The following IRAG2 variants were observed in gnomAD, a reference collection of about 807,000 sequenced individuals.
IRAG2 encodes the protein inositol 1,4,5-triphosphate receptor associated 2, also known as lymphoid restricted membrane protein.
In IRAG2, 45 loss-of-function variants were observed where a neutral mutation model predicts 69.9. The ratio of observed to expected loss-of-function variants is 0.64; its 90% confidence interval spans 0.51 to 0.83. The LOEUF (loss-of-function observed/expected upper bound fraction) is 0.83, where lower values mean the gene tolerates loss of function less well. IRAG2 is among the 40% of genes least tolerant of loss of function. The probability of loss-of-function intolerance (pLI) is 0.00; values close to 1 mark genes in which losing one functional copy is unlikely to be tolerated. For missense variants in IRAG2, 520 were observed against 587.0 expected, an observed-to-expected ratio of 0.89 and a Z score of 1.18; for synonymous variants, 193 against 202.4, an observed-to-expected ratio of 0.95 and a Z score of 0.40.
chr12:25,076,031 T>G (rs1157473349), intron 6 of IRAG2, among the ~76,000 whole-genome samples: 4 of 152,126 alleles, frequency 2.6e-5, no homozygotes, highest in Non-Finnish European at 5.9e-5. Flanking sequence ...CCTTGAGGGT[T>G]TCATCTCCAG....
chr12:24,999,923 T>C (rs901219285), upstream of IRAG2, among the ~76,000 whole-genome samples: 1 of 152,214 alleles, frequency 6.6e-6, no homozygotes, highest in African/African-American at 2.4e-5. Flanking sequence ...GGGGCATACT[T>C]ACACTAAAAA....
At chr12:25,021,452 T>A (rs553162125) in intron 7 of IRAG2, among the ~76,000 whole-genome samples, 4 of 151,226 alleles carry the variant, frequency 2.6e-5, no homozygotes, top group African/African-American at 4.9e-5. Flanking sequence ...TTCTCAGATT[T>A]AAAAAAAAAC....
At chr12:25,025,190 A>G (rs1944611408) in intron 8 of IRAG2, among the ~76,000 whole-genome samples, 1 of 152,248 alleles carries the variant, frequency 6.6e-6, no homozygotes, top group African/African-American at 2.4e-5. Context: ...AAAGAGCTAT[A>G]GAGAAAAGAA....
At chr12:25,040,200 G>A (rs1944736496) in intron 16 of IRAG2, among the ~76,000 whole-genome samples, 1 of 152,232 alleles carries the variant, frequency 6.6e-6, no homozygotes, top group African/African-American at 2.4e-5. Flanking sequence ...TAATTTGACT[G>A]TGGATTTTAG....
chr12:25,104,595 A>G, intron 20 of IRAG2, 133 bp downstream of exon 20: 1 of 632,088 alleles, frequency 1.6e-6, no homozygotes, highest in South Asian at 1.9e-5. Context: ...ACTTTTATAA[A>G]CTGTAAAGCA....
chr12:25,077,187 T>TATATATATGAAATATATATATC (rs1946748378), intron 6 of IRAG2, among the ~76,000 whole-genome samples: 1 of 63,216 alleles, frequency 1.6e-5, no homozygotes, highest in East Asian at 4.7e-4. Context: ...ATATATATGA[T>TATATATATGAAATATATATATC]ATATATATGA....
intron 16 of IRAG2, among the ~76,000 whole-genome samples, chr12:25,046,133 T>C (rs1944791273): frequency 6.6e-6 from 1 of 152,090 alleles, no homozygotes; most frequent in Non-Finnish European, 1.5e-5. Context: ...ATCATCTCTA[T>C]AGGTGCAGAA....
Position 25,108,220 on chromosome 12 carries a change from A to G in IRAG2, c.*160A>G. 1.4e-6 allele frequency: 1 copy of G among 732,072 alleles called. No individual in the cohort carries two copies. The highest frequency in any genetic ancestry group is 2.2e-6 in the Non-Finnish European group (1 of 463,438). The allele number at this position is 732,072 out of a possible 1,614,324, so 45.3% of individuals were successfully genotyped here. On this transcript the variant is annotated 3_prime_UTR_variant, in exon 22 of 22. Transcript: ENST00000556887. ...TCCTCTTTTTGCCTTTATCTCCCCA[A>G]CTAAAATACAATGGGGAAGAAGTCT... is the stretch of plus-strand genomic sequence containing the variant.
chr12:25,082,582 A>G (rs1452622513), intron 9 of IRAG2, among the ~76,000 whole-genome samples: 2 of 149,436 alleles, frequency 1.3e-5, no homozygotes, highest in Non-Finnish European at 3.0e-5. Context: ...CCTGGGTGGC[A>G]GAGTGAGACC....
intron 15 of IRAG2, among the ~76,000 whole-genome samples, chr12:25,037,660 C>T (rs1440625357): frequency 6.6e-6 from 1 of 152,136 alleles, no homozygotes; most frequent in African/African-American, 2.4e-5. Context: ...CCATCCTGTT[C>T]TAAAGCAATT....
chr12:25,088,248 T>C, intron 11 of IRAG2, 91 bp downstream of exon 11: 1 of 1,006,766 alleles, frequency 9.9e-7, no homozygotes. Context: ...GCTATGTCAC[T>C]TACAAATTCT....
intron 3 of IRAG2, among the ~76,000 whole-genome samples, chr12:25,012,143 C>CTTTTT (rs1944480147): frequency 1.2e-4 from 3 of 24,096 alleles, no homozygotes; most frequent in Non-Finnish European, 2.7e-4. Flanking sequence ...AAGCGAATTC[C>CTTTTT]CTTTTTTTTT....
intron 16 of IRAG2, among the ~76,000 whole-genome samples, chr12:25,043,234 G>A (rs1046069184): frequency 2.0e-5 from 3 of 152,134 alleles, no homozygotes; most frequent in African/African-American, 7.2e-5. Context: ...CTTATCCCTA[G>A]CTTAGCGCCA....
chr12:25,050,543 ACAAACAAAC>A (rs1388091128), upstream of IRAG2, among the ~76,000 whole-genome samples: 33 of 54,696 alleles, frequency 6.0e-4, 5 homozygotes, highest in South Asian at 1.4e-3. Context: ...AAACAAACAA[ACAAACAAAC>A]AAAAAAAAAC....
upstream of IRAG2, among the ~76,000 whole-genome samples, chr12:25,002,648 TC>T (rs66517580): frequency 1.2e-3 from 180 of 144,462 alleles, 6 homozygotes; most frequent in African/African-American, 3.1e-3. Flanking sequence ...CTTCTTCTTT[TC>T]TTTTTTTTTT....
chr12:25,018,368 G>A (rs1944549873), intron 6 of IRAG2, among the ~76,000 whole-genome samples: 1 of 151,724 alleles, frequency 6.6e-6, no homozygotes, highest in African/African-American at 2.4e-5. Context: ...CACCATGCCT[G>A]ACTAATTTTT....
intron 14 of IRAG2, among the ~76,000 whole-genome samples, chr12:25,091,332 A>C (rs542798891): frequency 9.8e-5 from 15 of 152,298 alleles, no homozygotes; most frequent in African/African-American, 3.6e-4. Flanking sequence ...GGGACTTTGC[A>C]TAAGTGGATT....
At chr12:25,100,020 A>AAAAAAAAAAAAAAAAAAAG (rs1565588270) in intron 15 of IRAG2, among the ~76,000 whole-genome samples, 1 of 150,290 alleles carries the variant, frequency 6.7e-6, no homozygotes, top group Non-Finnish European at 1.5e-5. Flanking sequence ...AAAAAAAAAA[A>AAAAAAAAAAAAAAAAAAAG]AAAAATGGGC....
At chr12:25,080,922 T>C (rs1947161524) in intron 9 of IRAG2, among the ~76,000 whole-genome samples, 1 of 152,162 alleles carries the variant, frequency 6.6e-6, no homozygotes, top group South Asian at 2.1e-4. Context: ...CTGTAGGGAA[T>C]CTAACTTTTT....
Sources: allele counts gnomAD v4.1 joint callset (sites outside exome capture counted in the v4.1 genomes callset), GRCh38; gene constraint gnomAD v4.1.1; transcripts MANE v1.5; gene names NCBI Gene and HGNC (gene_info 2026-07-23, HGNC 2026-07-21).